The following OPRM1 variants were observed in gnomAD, a reference collection of about 807,000 sequenced individuals.
The protein encoded by OPRM1 is mu-type opioid receptor.
In OPRM1, 27 loss-of-function variants were observed where a neutral mutation model predicts 31.8. The observed-to-expected ratio is 0.85, with a 90% CI of 0.63 to 1.17. The LOEUF is 1.17. Ranked by LOEUF, OPRM1 falls within the 50% of genes most tolerant of loss-of-function variation. The pLI is 0.00. For missense variants in OPRM1, 536 were observed against 511.1 expected (o/e 1.05, Z -0.47); for synonymous variants, 196 against 189.9 (o/e 1.03, Z -0.26).
At chr6:154,096,111 G>T (rs137960835) in intron 3 of OPRM1, among the ~76,000 whole-genome samples, 1 of 152,312 alleles carries the variant, frequency 6.6e-6, no homozygotes, top group East Asian at 1.9e-4. Context: ...AGGCTGGAGT[G>T]CAGTGGTGCG....
intron 3 of OPRM1, among the ~76,000 whole-genome samples, chr6:154,115,367 C>A (rs1796751966): frequency 6.6e-6 from 1 of 152,056 alleles, no homozygotes; most frequent in Non-Finnish European, 1.5e-5. Context: ...TCGTGAAACC[C>A]CGTCTCTACC....
chr6:154,190,727 A>G (rs1204937134), intron 3 of OPRM1, among the ~76,000 whole-genome samples: 3 of 152,226 alleles, frequency 2.0e-5, no homozygotes, highest in East Asian at 3.8e-4. Flanking sequence ...TAGCAGGGTT[A>G]TTCATAATTT....
chr6:154,049,339 G>T (rs371285351), intron 1 of OPRM1, among the ~76,000 whole-genome samples: 1 of 152,274 alleles, frequency 6.6e-6, no homozygotes, highest in East Asian at 1.9e-4. Context: ...TAAATAGATT[G>T]TGAAAAGGAC....
At chr6:154,223,146 T>C in intron 3 of OPRM1, 1 of 1,580,072 alleles carries the variant, frequency 6.3e-7, no homozygotes. Flanking sequence ...CTCAGAGTTT[T>C]GTGGAAGATG....
At chr6:154,183,692 A>G (rs1392416101) in intron 3 of OPRM1, among the ~76,000 whole-genome samples, 1 of 152,152 alleles carries the variant, frequency 6.6e-6, no homozygotes, top group Non-Finnish European at 1.5e-5. Context: ...TGAGGTCAGG[A>G]GTTTGAGACC....
At chr6:154,090,642 A>AT (rs1004491566) in intron 2 of OPRM1, among the ~76,000 whole-genome samples, 1 of 152,196 alleles carries the variant, frequency 6.6e-6, no homozygotes, top group African/African-American at 2.4e-5. Context: ...CAATTATTAC[A>AT]TTTTTTATAT....
chr6:154,161,637 A>G (rs1386170855), intron 3 of OPRM1, among the ~76,000 whole-genome samples: 1 of 152,172 alleles, frequency 6.6e-6, no homozygotes, highest in Admixed American at 6.6e-5. Context: ...CCTTCCAATG[A>G]TGCCCTCTGA....
intron 3 of OPRM1, among the ~76,000 whole-genome samples, chr6:154,193,925 T>C (rs543011006): frequency 6.6e-6 from 1 of 151,812 alleles, no homozygotes; most frequent in African/African-American, 2.4e-5. Context: ...AGTAGCATAG[T>C]ATTAAAAGGG....
chr6:154,028,012 G>T (rs1247165735), intron 1 of OPRM1, among the ~76,000 whole-genome samples: 1 of 152,128 alleles, frequency 6.6e-6, no homozygotes, highest in Non-Finnish European at 1.5e-5. Context: ...AGTCCCCTTT[G>T]CTTCTCCCTC....
chr6:154,079,566 C>T (rs984169712), intron 1 of OPRM1, among the ~76,000 whole-genome samples: 2 of 151,734 alleles, frequency 1.3e-5, no homozygotes, highest in South Asian at 2.1e-4. Context: ...TGTAAGAAGA[C>T]GATAGAAAAT....
At chr6:154,019,182 C>CTTTTTTTTT (rs34786795) in intron 1 of OPRM1, among the ~76,000 whole-genome samples, 1 of 126,904 alleles carries the variant, frequency 7.9e-6, no homozygotes, top group Non-Finnish European at 1.7e-5. Context: ...CCCTGTTGTG[C>CTTTTTTTTT]TTTTTTTTTT....
intron 1 of OPRM1, among the ~76,000 whole-genome samples, chr6:154,061,667 G>A (rs1451284713): frequency 6.6e-6 from 1 of 152,044 alleles, no homozygotes; most frequent in Non-Finnish European, 1.5e-5. Context: ...GGGCTTACTT[G>A]AGGGTGGAAG....
chr6:154,131,294 A>C lies in OPRM1; in HGVS notation c.*12573A>C, dbSNP rs1797881858. Among the ~76,000 whole-genome samples the C allele has an allele frequency of 6.6e-6, 1 of 152,236 alleles. No individual in the cohort carries two copies. The highest frequency in any genetic ancestry group is 1.5e-5 in the Non-Finnish European group (1 of 68,044). ...AATGAGAGCCTCTCATGGTTGATTA[A>C]GTTCAGACATTTTAAACAGACTCCT... is the stretch of plus-strand genomic sequence containing the variant. On this transcript the variant is annotated 3_prime_UTR_variant, in exon 4 of 4. Coordinates refer to ENST00000330432, the MANE Select transcript of OPRM1 (RefSeq NM_000914.5).
At position 154,129,284 on chromosome 6, in the gene OPRM1, CA is replaced by C. The variant is rs1232899519; in HGVS notation, c.*10564del. Among the ~76,000 whole-genome samples the C allele has an allele frequency of 6.6e-6, 1 of 152,222 alleles. No homozygotes were observed. Among genetic ancestry groups the C allele is most frequent in the Non-Finnish European group, 1.5e-5 (1 of 68,046 alleles). On this transcript the variant is annotated 3_prime_UTR_variant, in exon 4 of 4. Coordinates refer to ENST00000330432, the MANE Select transcript of OPRM1 (RefSeq NM_000914.5). ...GGGAGTTCTTCTATACAATAGAGAA[CA>C]GAACAATGTTCTTCTATACAATGTA... is the stretch of plus-strand genomic sequence containing the variant.
intron 3 of OPRM1, among the ~76,000 whole-genome samples, chr6:154,190,399 C>T (rs182510639): frequency 1.6e-3 from 241 of 152,172 alleles, no homozygotes; most frequent in Non-Finnish European, 2.5e-3. Context: ...AGCAAAAAAG[C>T]GTATGAAAAG....
intron 3 of OPRM1, among the ~76,000 whole-genome samples, chr6:154,152,390 A>AAGAAAGAAAGAAAGAAAGAAAGAGAG (rs1360734115): frequency 2.0e-4 from 25 of 126,274 alleles, no homozygotes; most frequent in African/African-American, 4.6e-4. Flanking sequence ...GAAAGAAAGA[A>AAGAAAGAAAGAAAGAAAGAAAGAGAG]AGAGAAATAG....
At position 154,194,423 on chromosome 6, in the gene OPRM1, T is replaced by C. The variant is rs1391141756; in HGVS notation, c.1165-52270T>C. On this transcript the variant is annotated intron_variant, in intron 3 of 3. Coordinates refer to the OPRM1 transcript ENST00000337049. Reference sequence around the variant, plus strand: ...TCAAATAAAATAAAATCCTCACCTCTAAATTTATTCCTTTCTGAGTGGAAG... The same window carrying C: ...TCAAATAAAATAAAATCCTCACCTCCAAATTTATTCCTTTCTGAGTGGAAG... Among the ~76,000 whole-genome samples the C allele has an allele frequency of 2.0e-5, 3 of 152,184 alleles. No homozygotes were observed. In the East Asian group the frequency reaches 5.8e-4, roughly 29 times the overall value.
chr6:154,087,181 G>A, intron 1 of OPRM1: 3 of 985,398 alleles, frequency 3.0e-6, no homozygotes, highest in Non-Finnish European at 3.6e-6. Flanking sequence ...CAGTAATGCA[G>A]CTTCTGCAAG....
chr6:154,173,862 CAT>C (rs1169196514), intron 3 of OPRM1, among the ~76,000 whole-genome samples: 2 of 152,112 alleles, frequency 1.3e-5, no homozygotes, highest in East Asian at 1.9e-4. Flanking sequence ...CCCCAAGACA[CAT>C]AACTGTGAGA....
Sources: gnomAD v4.1 joint callset for allele counts (sites outside exome capture counted in the v4.1 genomes callset) on GRCh38, gnomAD v4.1.1 for gene constraint, MANE v1.5 for transcripts, NCBI Gene and HGNC (gene_info 2026-07-23, HGNC 2026-07-21) for gene names.